The following TNFAIP8 variants were observed in gnomAD, a reference collection of about 807,000 sequenced individuals.
TNFAIP8 encodes the protein TNF alpha induced protein 8, also known as tumor necrosis factor alpha-induced protein 8.
A neutral mutation model predicts 13.3 loss-of-function variants in TNFAIP8; 7 were observed. That is an observed-to-expected ratio of 0.52 (90% CI 0.30 to 0.99). The LOEUF is 0.99. Among genes scored for constraint, TNFAIP8 ranks in the 50% least tolerant of loss-of-function variants. The probability of loss-of-function intolerance (pLI) is 0.07; values close to 1 mark genes in which losing one functional copy is unlikely to be tolerated. For missense variants in TNFAIP8, 258 were observed against 236.9 expected, an observed-to-expected ratio of 1.09 and a Z score of -0.58; for synonymous variants, 94 against 87.6, an observed-to-expected ratio of 1.07 and a Z score of -0.41.
At chr5:119,282,984 A>G (rs907518029) in intron 1 of TNFAIP8, among the ~76,000 whole-genome samples, 2 of 152,044 alleles carry the variant, frequency 1.3e-5, no homozygotes, top group Non-Finnish European at 2.9e-5. Flanking sequence ...TTGGCCAAAG[A>G]CTCTGCTGCT....
chr5:119,286,712 A>G (rs1748809992), intron 1 of TNFAIP8, among the ~76,000 whole-genome samples: 1 of 152,024 alleles, frequency 6.6e-6, no homozygotes, highest in Non-Finnish European at 1.5e-5. Flanking sequence ...GCATTTGGGC[A>G]ATGTTTGTGG....
upstream of TNFAIP8, among the ~76,000 whole-genome samples, chr5:119,352,576 A>G (rs183964200): frequency 6.6e-6 from 1 of 152,182 alleles, no homozygotes; most frequent in Non-Finnish European, 1.5e-5. Flanking sequence ...TCCTAATTAA[A>G]AGGTACCTTG....
intron 1 of TNFAIP8, among the ~76,000 whole-genome samples, chr5:119,320,893 AAAC>A (rs886890995): frequency 6.6e-6 from 1 of 151,472 alleles, no homozygotes; most frequent in African/African-American, 2.5e-5. Flanking sequence ...GCTAAAAAAA[AAAC>A]AAAAAACGAA....
At chr5:119,299,589 C>T (rs186377600) in intron 1 of TNFAIP8, among the ~76,000 whole-genome samples, 1,542 of 152,278 alleles carry the variant, frequency 0.01, 17 homozygotes, top group African/African-American at 0.035. Flanking sequence ...GCAGTCTGTC[C>T]GTTCTCAGAT....
At position 119,314,591 on chromosome 5, in the gene TNFAIP8, G is replaced by T. The variant is rs114871460; in HGVS notation, c.1+45684G>T. Among the ~76,000 whole-genome samples, 982 of 152,304 alleles carry T rather than the reference G, an allele frequency of 6.4e-3. 3 individuals are homozygous for T. Among genetic ancestry groups the T allele is most frequent in the African/African-American group, 0.023 (939 of 41,572 alleles). On this transcript the variant is annotated intron_variant, in intron 1 of 1. Transcript: ENST00000274456. Reference sequence around the variant, plus strand: ...CAGTAAGAACTTGAAACACTCACAGGTGGTAGAGTTGAGTTCATATCACTG... The same window carrying T: ...CAGTAAGAACTTGAAACACTCACAGTTGGTAGAGTTGAGTTCATATCACTG...
intron 1 of TNFAIP8, among the ~76,000 whole-genome samples, chr5:119,339,577 T>C (rs1269716364): frequency 6.6e-6 from 1 of 151,504 alleles, no homozygotes; most frequent in African/African-American, 2.4e-5. Context: ...TGTCAGATGC[T>C]ATCAGGGAGA....
At chr5:119,329,905 G>A (rs1750322845) in intron 1 of TNFAIP8, among the ~76,000 whole-genome samples, 1 of 151,984 alleles carries the variant, frequency 6.6e-6, no homozygotes, top group African/African-American at 2.4e-5. Flanking sequence ...ACCATCCGCC[G>A]TCTCTGTTAG....
In TNFAIP8 at chr5:119,397,649, G is replaced by A. The variant is rs529266709; in HGVS notation, c.*4268G>A. 1.9e-4 allele frequency: 29 copies of A among 152,270 alleles called. No homozygotes were observed. The highest frequency in any genetic ancestry group is 7.0e-4 in the African/African-American group (29 of 41,560). The allele number at this position is 152,270 out of a possible 1,614,324, so 9.4% of individuals were successfully genotyped here. The stretch of plus-strand genomic sequence containing the variant: ...CTGTGATTCAGATAAAAACTTTATA[G>A]AAACTCCCTAATGAAAATATTGAAG... On this transcript the variant is annotated 3_prime_UTR_variant, in exon 2 of 2. Coordinates refer to ENST00000504771, the MANE Select transcript of TNFAIP8 (RefSeq NM_014350.4).
upstream of TNFAIP8, chr5:119,356,005 G>A (rs1463364771): frequency 1.0e-5 from 16 of 1,532,624 alleles, no homozygotes; most frequent in East Asian, 4.0e-4. Flanking sequence ...TTTCCGTCGT[G>A]TGCGGATTTC....
chr5:119,294,636 T>C (rs1426372929), intron 1 of TNFAIP8, among the ~76,000 whole-genome samples: 1 of 152,200 alleles, frequency 6.6e-6, no homozygotes, highest in Non-Finnish European at 1.5e-5. Flanking sequence ...TCCACAATGG[T>C]AGAACTAGTT....
intron 1 of TNFAIP8, among the ~76,000 whole-genome samples, chr5:119,316,666 A>G (rs757464245): frequency 3.3e-5 from 5 of 152,174 alleles, no homozygotes; most frequent in Non-Finnish European, 7.4e-5. Context: ...CCTCAGGCCT[A>G]CTCCAGACTA....
At chr5:119,382,737 A>G (rs1752532909) in intron 1 of TNFAIP8, among the ~76,000 whole-genome samples, 2 of 152,214 alleles carry the variant, frequency 1.3e-5, no homozygotes, top group South Asian at 4.1e-4. Flanking sequence ...AGCACTCAGT[A>G]GCAGGGCAAG....
intron 1 of TNFAIP8, among the ~76,000 whole-genome samples, chr5:119,357,379 A>G (rs1166617752): frequency 1.3e-5 from 2 of 152,012 alleles, no homozygotes; most frequent in Non-Finnish European, 1.5e-5. Context: ...TTTCTTTTCT[A>G]TGTCTTTATA....
chr5:119,357,617 C>T (rs1193573225), intron 1 of TNFAIP8, among the ~76,000 whole-genome samples: 1 of 151,882 alleles, frequency 6.6e-6, no homozygotes, highest in East Asian at 1.9e-4. Context: ...GTCTTCCCTC[C>T]TCGAGGGCCC....
chr5:119,341,183 T>C (rs10059175), intron 1 of TNFAIP8, among the ~76,000 whole-genome samples: 61,880 of 151,252 alleles, frequency 0.41, 14,245 homozygotes, highest in African/African-American at 0.63. Context: ...AACCCTCCAG[T>C]GCTCTGCTCT....
chr5:119,304,421 G>C (rs1749490940), intron 1 of TNFAIP8, among the ~76,000 whole-genome samples: 1 of 152,166 alleles, frequency 6.6e-6, no homozygotes, highest in African/African-American at 2.4e-5. Flanking sequence ...CACTCACTCT[G>C]TGCTTTTGCC....
intron 1 of TNFAIP8, among the ~76,000 whole-genome samples, chr5:119,296,963 G>A (rs368502537): frequency 0.01 from 1,547 of 151,724 alleles, 17 homozygotes; most frequent in African/African-American, 0.035. Flanking sequence ...CTGTGGGATC[G>A]GTGGTGATAT....
chr5:119,306,318 C>CTTTTTTTTT (rs770923933), intron 1 of TNFAIP8: 3 of 121,758 alleles, frequency 2.5e-5, no homozygotes, highest in Non-Finnish European at 1.6e-5. Context: ...TTCTTTCTTT[C>CTTTTTTTTT]TTTTTCTTTT....
At chr5:119,319,696 A>G (rs1749998544) in intron 1 of TNFAIP8, among the ~76,000 whole-genome samples, 1 of 152,186 alleles carries the variant, frequency 6.6e-6, no homozygotes, top group Admixed American at 6.5e-5. Flanking sequence ...TTCTATGTAT[A>G]TTGGTGCACC....
Sources: gnomAD v4.1 joint callset for allele counts (sites outside exome capture counted in the v4.1 genomes callset) on GRCh38, gnomAD v4.1.1 for gene constraint, MANE v1.5 for transcripts, NCBI Gene and HGNC (gene_info 2026-07-23, HGNC 2026-07-21) for gene names.